LIN7A: variants seen among roughly 807,000 people sequenced by gnomAD.
LIN7A encodes protein lin-7 homolog A.
A neutral mutation model predicts 29.8 loss-of-function variants in LIN7A; 25 were observed. The ratio of observed to expected loss-of-function variants is 0.84; its 90% confidence interval spans 0.61 to 1.17. The LOEUF is 1.17. Among genes scored for constraint, LIN7A ranks in the 50% most tolerant of loss-of-function variants. The probability of loss-of-function intolerance (pLI) is 0.00; values close to 1 mark genes in which losing one functional copy is unlikely to be tolerated. For synonymous variants in LIN7A, 118 were observed against 107.5 expected, an observed-to-expected ratio of 1.10 and a Z score of -0.60; for missense variants, 239 against 287.0, an observed-to-expected ratio of 0.83 and a Z score of 1.21.
chr12:80,807,077 T>TTTTTTTTTTTTTTTTTTTTTG (rs1871053026), intron 5 of LIN7A, among the ~76,000 whole-genome samples: 2 of 115,538 alleles, frequency 1.7e-5, no homozygotes, highest in African/African-American at 3.2e-5. Context: ...TTTTTTTTTT[T>TTTTTTTTTTTTTTTTTTTTTG]TTTTTTTTTT....
intron 1 of LIN7A, among the ~76,000 whole-genome samples, chr12:80,932,444 T>G (rs1877965809): frequency 6.6e-6 from 1 of 152,246 alleles, no homozygotes; most frequent in African/African-American, 2.4e-5. Flanking sequence ...TCCATTTTCA[T>G]TTTTGCAACT....
intron 5 of LIN7A, among the ~76,000 whole-genome samples, chr12:80,809,909 A>G (rs1006832913): frequency 2.6e-5 from 4 of 152,168 alleles, no homozygotes; most frequent in African/African-American, 4.8e-5. Flanking sequence ...ATAATTTTAT[A>G]TATTTATGGA....
At position 80,854,485 on chromosome 12, in the gene LIN7A, C is replaced by CAAAAAAAAAAAAAAAA. The variant is rs370465323; in HGVS notation, c.202-6164_202-6163insTTTTTTTTTTTTTTTT. On this transcript the variant is annotated intron_variant, in intron 2 of 5. Transcript: ENST00000552864. Reference sequence around the variant, plus strand: ...TGAATCTGAAATGCATGTTGCTAAGCCAAAAAAAAAAAAAAAAAAAAAAGC... The same window carrying CAAAAAAAAAAAAAAAA: ...TGAATCTGAAATGCATGTTGCTAAGCAAAAAAAAAAAAAAAACAAAAAAAAAAAAAAAAAAAAAAGC... Among the ~76,000 whole-genome samples the CAAAAAAAAAAAAAAAA allele has an allele frequency of 5.4e-5, 2 of 37,112 alleles. 1 individual carries two copies. 24.3% of individuals were successfully genotyped at this position (37,112 alleles called of 152,430 possible). A position where few individuals can be genotyped will look rare whatever the true frequency, so the allele number is the denominator to read the frequency against.
At chr12:80,934,403 A>G (rs1180148866) in intron 1 of LIN7A, among the ~76,000 whole-genome samples, 1 of 152,182 alleles carries the variant, frequency 6.6e-6, no homozygotes, top group Admixed American at 6.5e-5. Context: ...GGCAGATCAA[A>G]AAGAGTTTTG....
At chr12:80,902,217 G>GTTTTT (rs11410643) in intron 1 of LIN7A, among the ~76,000 whole-genome samples, 1 of 125,644 alleles carries the variant, frequency 8.0e-6, no homozygotes, top group African/African-American at 3.1e-5. Flanking sequence ...TGGTCTATGT[G>GTTTTT]TTTTTTTTTT....
chr12:80,836,001 T>C (rs1269703220), intron 4 of LIN7A, among the ~76,000 whole-genome samples: 1 of 151,860 alleles, frequency 6.6e-6, no homozygotes, highest in Non-Finnish European at 1.5e-5. Context: ...AATAATAAGC[T>C]AACAGAAAAA....
chr12:80,921,771 TTGG>T (rs1341082051), intron 1 of LIN7A, among the ~76,000 whole-genome samples: 4 of 152,184 alleles, frequency 2.6e-5, no homozygotes, highest in Admixed American at 6.5e-5. Flanking sequence ...CATTTTCCTA[TTGG>T]TGGTTACCAT....
chr12:80,864,627 G>A (rs1874047904), intron 2 of LIN7A, among the ~76,000 whole-genome samples: 1 of 152,084 alleles, frequency 6.6e-6, no homozygotes, highest in South Asian at 2.1e-4. Flanking sequence ...TCATTAAAAA[G>A]CCCAGACCTG....
At chr12:80,892,724 T>G (rs886946241) in intron 1 of LIN7A, among the ~76,000 whole-genome samples, 3 of 152,098 alleles carry the variant, frequency 2.0e-5, no homozygotes, top group Non-Finnish European at 4.4e-5. Context: ...CCTAGGTCGG[T>G]CCCACCTGGA....
intron 4 of LIN7A, among the ~76,000 whole-genome samples, chr12:80,828,948 C>G (rs1872215026): frequency 6.6e-6 from 1 of 152,032 alleles, no homozygotes; most frequent in Admixed American, 6.6e-5. Context: ...TTTAAAAAAT[C>G]TGATTTTAGT....
intron 5 of LIN7A, among the ~76,000 whole-genome samples, chr12:80,800,591 G>A (rs550608458): frequency 6.8e-4 from 95 of 139,152 alleles, no homozygotes; most frequent in African/African-American, 2.4e-3. Context: ...AAAAGAAATC[G>A]AATCAATACT....
At chr12:80,925,224 G>A (rs117633282) in intron 1 of LIN7A, among the ~76,000 whole-genome samples, 446 of 152,308 alleles carry the variant, frequency 2.9e-3, no homozygotes, top group Non-Finnish European at 4.2e-3. Flanking sequence ...CATGTGGTAA[G>A]TGTTCTAATA....
chr12:80,811,873 C>A (rs565754905), intron 4 of LIN7A, among the ~76,000 whole-genome samples, 190 bp from the exon 5 acceptor site: 10 of 152,080 alleles, frequency 6.6e-5, no homozygotes, highest in Admixed American at 3.3e-4. Context: ...TTAGGCTGCA[C>A]TAGGTCACAG....
intron 2 of LIN7A, among the ~76,000 whole-genome samples, chr12:80,856,504 T>A (rs1178418379): frequency 1.3e-5 from 2 of 152,224 alleles, no homozygotes; most frequent in Non-Finnish European, 2.9e-5. Flanking sequence ...CTGTGCCATG[T>A]GAAATACTCT....
chr12:80,825,257 A>C (rs1354145391), intron 4 of LIN7A, among the ~76,000 whole-genome samples: 1 of 152,240 alleles, frequency 6.6e-6, no homozygotes, highest in African/African-American at 2.4e-5. Flanking sequence ...GTTAGGTTCG[A>C]GGGCAGTTAA....
intron 5 of LIN7A, among the ~76,000 whole-genome samples, chr12:80,807,075 T>TTTTTTTTTTTTTGTTG (rs1565883789): frequency 1.6e-5 from 2 of 124,170 alleles, no homozygotes; most frequent in African/African-American, 6.8e-5. Context: ...TTTTTTTTTT[T>TTTTTTTTTTTTTGTTG]TTTTTTTTTT....
At chr12:80,917,345 A>G (rs1426439132) in intron 1 of LIN7A, among the ~76,000 whole-genome samples, 4 of 152,216 alleles carry the variant, frequency 2.6e-5, no homozygotes, top group Non-Finnish European at 5.9e-5. Context: ...GAAGATTTGA[A>G]TGCAAAGGAT....
intron 1 of LIN7A, among the ~76,000 whole-genome samples, chr12:80,920,683 T>C (rs1320301623): frequency 2.0e-5 from 3 of 152,248 alleles, no homozygotes; most frequent in African/African-American, 4.8e-5. Context: ...TTTAAACATA[T>C]TCAGGAGAAA....
chr12:80,833,741 C>T (rs901851612), intron 4 of LIN7A, among the ~76,000 whole-genome samples: 1 of 152,158 alleles, frequency 6.6e-6, no homozygotes, highest in Non-Finnish European at 1.5e-5. Flanking sequence ...CTCCATCAAC[C>T]TATTCATTCT....
Sources: gnomAD v4.1 joint callset for allele counts (sites outside exome capture counted in the v4.1 genomes callset) on GRCh38, gnomAD v4.1.1 for gene constraint, MANE v1.5 for transcripts, NCBI Gene and HGNC (gene_info 2026-07-23, HGNC 2026-07-21) for gene names.